CA10: variants seen among roughly 807,000 people sequenced by gnomAD.
CA10 encodes carbonic anhydrase 10 (inactive), also known as carbonic anhydrase-related protein 10.
In CA10, 14 loss-of-function variants were observed where a neutral mutation model predicts 44.2. The observed-to-expected ratio is 0.32, with a 90% CI of 0.21 to 0.50. CA10 has a LOEUF of 0.50. Ranked by LOEUF, CA10 falls within the 20% of genes least tolerant of loss-of-function variation. The pLI, the probability that CA10 is intolerant of heterozygous loss-of-function variation, is 0.99. For missense variants in CA10, 350 were observed against 409.7 expected (o/e 0.85, Z 1.26); for synonymous variants, 159 against 141.6 (o/e 1.12, Z -0.87).
At chr17:52,049,827 G>A (rs1823219961) in intron 2 of CA10, among the ~76,000 whole-genome samples, 1 of 152,034 alleles carries the variant, frequency 6.6e-6, no homozygotes, top group Admixed American at 6.6e-5. Flanking sequence ...GTGGTGGACT[G>A]TATATACAAC....
chr17:51,728,449 C>T (rs1916602156), intron 4 of CA10, among the ~76,000 whole-genome samples: 1 of 152,196 alleles, frequency 6.6e-6, no homozygotes, highest in Non-Finnish European at 1.5e-5. Flanking sequence ...ATTCAGTCTC[C>T]TCCAATCTGT....
In CA10 at chr17:51,903,383, C is replaced by T. The variant is rs74806704; in HGVS notation, c.279+27607G>A. ...GATAGGCTATTTCTTACCACACTGC[C>T]GCTTCCTTTTCCTCCTTCACAGCCC... On this transcript the variant is annotated intron_variant, in intron 3 of 8. Transcript: ENST00000451037. Among the ~76,000 whole-genome samples, 888 of 152,218 alleles carry T rather than the reference C, an allele frequency of 5.8e-3. 43 individuals are homozygous for T. The highest frequency in any genetic ancestry group is 0.041 in the Admixed American group (633 of 15,270).
intron 3 of CA10, among the ~76,000 whole-genome samples, chr17:51,881,505 GA>G (rs1345016498): frequency 1.3e-5 from 2 of 151,610 alleles, no homozygotes; most frequent in African/African-American, 4.8e-5. Flanking sequence ...TGATAAAAAA[GA>G]AAAAATTTGC....
intron 4 of CA10, among the ~76,000 whole-genome samples, chr17:51,708,986 T>C (rs1263974): frequency 0.34 from 51,136 of 152,100 alleles, 9,234 homozygotes; most frequent in Admixed American, 0.41. Context: ...AGACGGTCTA[T>C]TGTGGGACTT....
chr17:52,041,717 A>G (rs1986773894), intron 2 of CA10, among the ~76,000 whole-genome samples: 1 of 152,084 alleles, frequency 6.6e-6, no homozygotes, highest in South Asian at 2.1e-4. Context: ...TCTTTGACGA[A>G]CATCTCCCAT....
chr17:51,979,503 C>G (rs1984579594), intron 2 of CA10, among the ~76,000 whole-genome samples: 1 of 152,068 alleles, frequency 6.6e-6, no homozygotes, highest in South Asian at 2.1e-4. Flanking sequence ...CAAATAGACC[C>G]CAGTGCCTGT....
chr17:51,738,460 T>G (rs1320649812), intron 4 of CA10, among the ~76,000 whole-genome samples: 1 of 152,230 alleles, frequency 6.6e-6, no homozygotes, highest in African/African-American at 2.4e-5. Context: ...TCTTAGGTTC[T>G]TAATGCAATA....
intron 2 of CA10, among the ~76,000 whole-genome samples, chr17:52,061,790 A>T (rs995835508): frequency 6.6e-6 from 1 of 152,194 alleles, no homozygotes; most frequent in Non-Finnish European, 1.5e-5. Flanking sequence ...CTGTGAGTCA[A>T]TTAAACCTCC....
At chr17:51,639,343 T>C (rs1185767416) in intron 6 of CA10, among the ~76,000 whole-genome samples, 1 of 152,114 alleles carries the variant, frequency 6.6e-6, no homozygotes, top group Non-Finnish European at 1.5e-5. Context: ...AAGAGAGGCA[T>C]TCCAGGCATG....
At chr17:52,089,875 T>A (rs1988214446) in intron 1 of CA10, among the ~76,000 whole-genome samples, 1 of 152,118 alleles carries the variant, frequency 6.6e-6, no homozygotes, top group African/African-American at 2.4e-5. Flanking sequence ...AGATGGGGAA[T>A]ACAATTTGGA....
intron 2 of CA10, among the ~76,000 whole-genome samples, chr17:51,970,395 G>T (rs1464323232): frequency 6.7e-6 from 1 of 148,974 alleles, no homozygotes; most frequent in African/African-American, 2.5e-5. Context: ...TTATTTTTTT[G>T]TTCCTCTTAC....
rs146012226 is a variant in CA10 at position 52,115,407 on chromosome 17, C to T, written c.61+42319G>A. On this transcript the variant is annotated intron_variant, in intron 1 of 8. Coordinates refer to ENST00000451037, the MANE Select transcript of CA10 (RefSeq NM_020178.5). Reference sequence around the variant, plus strand: ...GAGTAAAATACGGACCTGAATGTTTCTTTCCCTTTTGTTTTGGAGCCTTCT... The same window carrying T: ...GAGTAAAATACGGACCTGAATGTTTTTTTCCCTTTTGTTTTGGAGCCTTCT... Among the ~76,000 whole-genome samples the T allele has an allele frequency of 2.0e-5, 3 of 152,222 alleles. No homozygotes were observed. The East Asian group carries it at 5.8e-4, about 29-fold the overall frequency.
chr17:51,889,186 T>C (rs984847002), intron 3 of CA10, among the ~76,000 whole-genome samples: 1 of 152,154 alleles, frequency 6.6e-6, no homozygotes, highest in Non-Finnish European at 1.5e-5. Context: ...TCATGCAGTG[T>C]CACCTCTACC....
At chr17:51,884,626 A>T (rs1307359902) in intron 3 of CA10, among the ~76,000 whole-genome samples, 1 of 152,190 alleles carries the variant, frequency 6.6e-6, no homozygotes, top group Non-Finnish European at 1.5e-5. Context: ...TTTCTTCTTC[A>T]TAGCACTTAG....
chr17:51,924,044 T>C (rs1019661577), intron 3 of CA10, among the ~76,000 whole-genome samples: 2 of 152,164 alleles, frequency 1.3e-5, no homozygotes, highest in African/African-American at 4.8e-5. Flanking sequence ...GAAAGCGATA[T>C]TAATATTACA....
chr17:52,092,072 C>T (rs923822082), intron 1 of CA10, among the ~76,000 whole-genome samples: 2 of 151,972 alleles, frequency 1.3e-5, no homozygotes, highest in Admixed American at 6.6e-5. Context: ...TCTCTTTCTC[C>T]GCCTGTCTGT....
intron 3 of CA10, among the ~76,000 whole-genome samples, chr17:51,886,663 G>T (rs1380553291): frequency 6.6e-6 from 1 of 152,268 alleles, no homozygotes; most frequent in African/African-American, 2.4e-5. Flanking sequence ...TTATTTTTGG[G>T]TGTCTGTGTA....
intron 3 of CA10, among the ~76,000 whole-genome samples, chr17:51,903,732 C>T (rs148372182): frequency 2.0e-5 from 3 of 152,234 alleles, no homozygotes; most frequent in Admixed American, 6.5e-5. Flanking sequence ...CACTTGTACC[C>T]CATCTACATT....
intron 4 of CA10, among the ~76,000 whole-genome samples, chr17:51,668,823 C>A (rs1005483385): frequency 1.3e-5 from 2 of 152,100 alleles, no homozygotes; most frequent in African/African-American, 4.8e-5. Flanking sequence ...TGGGCCAGCG[C>A]GAGTTCTGGG....
Sources: allele counts gnomAD v4.1 joint callset (sites outside exome capture counted in the v4.1 genomes callset), GRCh38; gene constraint gnomAD v4.1.1; transcripts MANE v1.5; gene names NCBI Gene and HGNC (gene_info 2026-07-23, HGNC 2026-07-21).